COG5: variants seen among roughly 807,000 people sequenced by gnomAD.
COG5 encodes conserved oligomeric Golgi complex subunit 5.
COG5 carries 86 observed loss-of-function variants against 110.4 expected under a neutral mutation model. That is an observed-to-expected ratio of 0.78 (90% CI 0.65 to 0.93). COG5 has a LOEUF of 0.93. Among genes scored for constraint, COG5 ranks in the 40% least tolerant of loss-of-function variants. The pLI is 0.00. For synonymous variants in COG5, 360 were observed against 334.6 expected, an observed-to-expected ratio of 1.08 and a Z score of -0.83; for missense variants, 1,077 against 987.0, an observed-to-expected ratio of 1.09 and a Z score of -1.22.
At chr7:107,348,935 C>T (rs117122093) in intron 10 of COG5, among the ~76,000 whole-genome samples, 2,724 of 151,966 alleles carry the variant, frequency 0.018, 33 homozygotes, top group Middle Eastern at 0.048. Context: ...CATTATAGCC[C>T]ACTGCAGACT....
chr7:107,456,283 AAAG>A (rs2129097256), intron 6 of COG5, among the ~76,000 whole-genome samples: 1 of 152,338 alleles, frequency 6.6e-6, no homozygotes, highest in East Asian at 1.9e-4. Context: ...ATAATTGCTA[AAAG>A]AAGTGCCATG....
At chr7:107,414,162 G>C (rs1792523844) in intron 6 of COG5, among the ~76,000 whole-genome samples, 1 of 152,140 alleles carries the variant, frequency 6.6e-6, no homozygotes, top group Admixed American at 6.5e-5. Flanking sequence ...TAAATAACTA[G>C]TTTAACTTTT....
intron 6 of COG5, among the ~76,000 whole-genome samples, chr7:107,481,412 G>A (rs994418044): frequency 6.6e-6 from 1 of 152,054 alleles, no homozygotes; most frequent in Non-Finnish European, 1.5e-5. Flanking sequence ...TAACAAATGA[G>A]AGCACTGGCC....
chr7:107,374,550 T>C (rs974422042), intron 7 of COG5, among the ~76,000 whole-genome samples: 6 of 152,000 alleles, frequency 3.9e-5, no homozygotes, highest in Non-Finnish European at 7.4e-5. Context: ...AATTTTTCAC[T>C]TAAAACACCT....
chr7:107,202,950 T>C lies in COG5; in HGVS notation c.*566A>G, dbSNP rs2116075255. 1 of 153,032 alleles carries C rather than the reference T, an allele frequency of 6.5e-6. No homozygotes were observed. Among genetic ancestry groups the C allele is most frequent in the East Asian group, 1.9e-4 (1 of 5,182 alleles). 9.5% of individuals were successfully genotyped at this position (153,032 alleles called of 1,614,324 possible). A position where few individuals can be genotyped will look rare whatever the true frequency, so the allele number is the denominator to read the frequency against. On this transcript the variant is annotated 3_prime_UTR_variant, in exon 22 of 22. Coordinates refer to ENST00000297135, the MANE Select transcript of COG5 (RefSeq NM_006348.5). The stretch of plus-strand genomic sequence containing the variant: ...TGCCAGTGGTTCCTCAACTTTGTTG[T>C]CTATTGGAATCATTTTGGGGATTTT...
At chr7:107,419,615 T>C (rs1166966640) in intron 6 of COG5, among the ~76,000 whole-genome samples, 1 of 151,806 alleles carries the variant, frequency 6.6e-6, no homozygotes, top group Non-Finnish European at 1.5e-5. Flanking sequence ...TCGCCCAGGC[T>C]GGAGTGCAAT....
At chr7:107,434,755 G>C (rs541270623) in intron 6 of COG5, among the ~76,000 whole-genome samples, 4 of 152,084 alleles carry the variant, frequency 2.6e-5, no homozygotes, top group African/African-American at 9.7e-5. Flanking sequence ...CGGATCACTA[G>C]GTCAGGAGAT....
chr7:107,554,416 C>G (rs938956360), intron 2 of COG5, 74 bp from the exon 3 acceptor site: 3 of 1,287,988 alleles, frequency 2.3e-6, no homozygotes, highest in South Asian at 1.2e-5. Context: ...GTAGAATGGA[C>G]AGTCTCTCTT....
intron 6 of COG5, among the ~76,000 whole-genome samples, chr7:107,515,793 A>C (rs1799877569): frequency 6.6e-6 from 1 of 152,232 alleles, no homozygotes; most frequent in African/African-American, 2.4e-5. Flanking sequence ...CTTTAGAACA[A>C]GTCAGGCAAT....
intron 12 of COG5, among the ~76,000 whole-genome samples, chr7:107,295,058 C>CACACAA (rs1337461652): frequency 1.6e-5 from 1 of 62,110 alleles, no homozygotes; most frequent in Non-Finnish European, 2.6e-5. Context: ...CACACACACA[C>CACACAA]ACACACACAT....
intron 6 of COG5, among the ~76,000 whole-genome samples, chr7:107,465,227 T>C (rs1434946373): frequency 1.3e-5 from 2 of 152,114 alleles, no homozygotes; most frequent in Admixed American, 1.3e-4. Flanking sequence ...TACCATGGAA[T>C]TCACACAAAA....
intron 11 of COG5, among the ~76,000 whole-genome samples, chr7:107,309,241 T>A (rs1808002489): frequency 6.6e-6 from 1 of 152,156 alleles, no homozygotes; most frequent in African/African-American, 2.4e-5. Flanking sequence ...ATTCATTTAC[T>A]TTATCCCACA....
intron 19 of COG5, among the ~76,000 whole-genome samples, chr7:107,217,061 A>G (rs545857305): frequency 6.6e-6 from 1 of 152,312 alleles, no homozygotes; most frequent in East Asian, 1.9e-4. Flanking sequence ...CCACTGAAAT[A>G]CAAAGGATAA....
chr7:107,362,166 G>A (rs770986707), intron 9 of COG5, 56 bp from the exon 10 acceptor site: 34 of 1,435,178 alleles, frequency 2.4e-5, no homozygotes, highest in Admixed American at 5.5e-5. Flanking sequence ...AAAGGGAAAT[G>A]GCAACCTTTA....
intron 19 of COG5, among the ~76,000 whole-genome samples, chr7:107,214,941 A>G (rs1799416883): frequency 6.6e-6 from 1 of 152,056 alleles, no homozygotes; most frequent in Non-Finnish European, 1.5e-5. Context: ...AAAAGAAAAA[A>G]GAAAACAAAA....
At chr7:107,342,692 A>G (rs1421554927) in intron 10 of COG5, among the ~76,000 whole-genome samples, 5 of 151,910 alleles carry the variant, frequency 3.3e-5, no homozygotes, top group African/African-American at 2.4e-5. Flanking sequence ...ACAAAAAACC[A>G]AACAAAAAAA....
intron 14 of COG5, among the ~76,000 whole-genome samples, chr7:107,280,555 T>C (rs562010232): frequency 4.6e-5 from 7 of 152,108 alleles, no homozygotes; most frequent in Non-Finnish European, 8.8e-5. Flanking sequence ...ATTCTAAAGA[T>C]AGTGGAGACA....
At chr7:107,324,552 A>G (rs763445919) in intron 10 of COG5, 31 bp from the exon 11 acceptor site, 1 of 1,326,204 alleles carries the variant, frequency 7.5e-7, no homozygotes, top group East Asian at 2.3e-5. Flanking sequence ...TTTTTTAAAA[A>G]TAAAAAAATG....
At chr7:107,345,852 TAAAC>T (rs768838360) in intron 10 of COG5, among the ~76,000 whole-genome samples, 17 of 152,294 alleles carry the variant, frequency 1.1e-4, no homozygotes, top group East Asian at 1.9e-4. Context: ...TTACTAAAAA[TAAAC>T]AAACAAACCA....
Sources: allele counts gnomAD v4.1 joint callset (sites outside exome capture counted in the v4.1 genomes callset), GRCh38; gene constraint gnomAD v4.1.1; transcripts MANE v1.5; gene names NCBI Gene and HGNC (gene_info 2026-07-23, HGNC 2026-07-21).